Variants in LINGO2 observed in about 807,000 individuals in gnomAD.
LINGO2 encodes leucine-rich repeat and immunoglobulin-like domain-containing nogo receptor-interacting protein 2.
LINGO2 carries 14 observed loss-of-function variants against 30.6 expected under a neutral mutation model. The ratio of observed to expected loss-of-function variants is 0.46; its 90% CI spans 0.30 to 0.72. The LOEUF (loss-of-function observed/expected upper bound fraction) is 0.72. LINGO2 is among the 30% of genes least tolerant of loss of function. The pLI is 0.07. For synonymous variants in LINGO2, 317 were observed against 288.5 expected (o/e 1.10, Z -1.00); for missense variants, 729 against 751.7 (o/e 0.97, Z 0.35).
At chr9:29,102,809 C>T in the LINGO2 span, among the ~76,000 whole-genome samples, 1 of 152,094 alleles carries the variant, frequency 6.6e-6, no homozygotes, top group Non-Finnish European at 1.5e-5. Context: ...TAGAGATACA[C>T]TTAGGCATTT....
At position 28,148,411 on chromosome 9, in the gene LINGO2, C is replaced by T; in HGVS notation, c.-86-136006G>A. ...TTCCTTCATTAGATGAGCAGGTGAT[C>T]CCAGCCAGGCTCCCGAAGATGGAGG... On this transcript the variant is annotated intron_variant, in intron 4 of 5. Coordinates refer to ENST00000379992, the Ensembl canonical transcript of LINGO2. This position sits in a 1 kb window ranked among gnomAD's most constrained non-coding sequence, Gnocchi z 5.1. 7.6e-7 allele frequency: 1 copy of T among 1,308,266 alleles called. No individual in the cohort carries two copies. The allele number at this position is 1,308,266 out of a possible 1,614,324, so 81.0% of individuals were successfully genotyped here.
chr9:28,492,318 A>G (rs923003567), intron 1 of LINGO2, among the ~76,000 whole-genome samples: 4 of 152,216 alleles, frequency 2.6e-5, no homozygotes, highest in Admixed American at 1.3e-4. Context: ...TGACAAACAA[A>G]TAAAGCATTG....
intron 4 of LINGO2, among the ~76,000 whole-genome samples, chr9:28,033,044 A>G (rs1234318297): frequency 6.6e-6 from 1 of 152,210 alleles, no homozygotes; most frequent in Non-Finnish European, 1.5e-5. Flanking sequence ...ACTAGAAAAC[A>G]TGGTGTAGAC....
At chr9:28,571,818 T>C (rs1177555578) in intron 1 of LINGO2, among the ~76,000 whole-genome samples, 1 of 152,084 alleles carries the variant, frequency 6.6e-6, no homozygotes, top group East Asian at 1.9e-4. Context: ...ATTAAGACAA[T>C]GTTCCGAACA....
chr9:28,899,414 C>T, the LINGO2 span, among the ~76,000 whole-genome samples: 4 of 152,202 alleles, frequency 2.6e-5, no homozygotes, highest in South Asian at 2.1e-4. Flanking sequence ...CCCACAGACT[C>T]AGTCTCCAGG....
intron 2 of LINGO2, among the ~76,000 whole-genome samples, chr9:28,455,530 A>C (rs1328803440): frequency 6.6e-6 from 1 of 152,080 alleles, no homozygotes; most frequent in Non-Finnish European, 1.5e-5. Flanking sequence ...ATCAAAACCA[A>C]TGCATGAGTG....
chr9:28,169,811 T>A (rs1218224859), intron 4 of LINGO2, among the ~76,000 whole-genome samples: 2 of 151,854 alleles, frequency 1.3e-5, no homozygotes, highest in African/African-American at 4.8e-5. Flanking sequence ...AGAGAAAGAG[T>A]AGCTTAAACT....
At chr9:28,010,067 A>G (rs919239343) in intron 5 of LINGO2, among the ~76,000 whole-genome samples, 2 of 152,194 alleles carry the variant, frequency 1.3e-5, no homozygotes, top group African/African-American at 4.8e-5. Flanking sequence ...GTACTGATTA[A>G]CATGCTACAA....
At chr9:28,121,925 TTTAAATTC>T (rs2133400841) in intron 4 of LINGO2, among the ~76,000 whole-genome samples, 1 of 152,350 alleles carries the variant, frequency 6.6e-6, no homozygotes, top group South Asian at 2.1e-4. Context: ...TTAATGCTCT[TTTAAATTC>T]CTAGGAATTG....
chr9:28,912,919 A>T, the LINGO2 span, among the ~76,000 whole-genome samples: 14 of 152,114 alleles, frequency 9.2e-5, no homozygotes, highest in Admixed American at 9.2e-4. Flanking sequence ...TGTTGTGCAG[A>T]AGTTATGTGT....
intron 4 of LINGO2, among the ~76,000 whole-genome samples, chr9:28,038,941 C>G (rs576303766): frequency 6.6e-6 from 1 of 152,346 alleles, no homozygotes; most frequent in East Asian, 1.9e-4. Flanking sequence ...TAAATCTCTT[C>G]CAAATAAACC....
the LINGO2 span, among the ~76,000 whole-genome samples, chr9:29,142,971 TA>T: frequency 1.4e-4 from 21 of 152,022 alleles, no homozygotes; most frequent in South Asian, 2.9e-3. Context: ...AAATTAACAT[TA>T]AAAAATCAGT....
the LINGO2 span, among the ~76,000 whole-genome samples, chr9:28,979,956 T>C: frequency 1.3e-5 from 2 of 152,166 alleles, 1 homozygote. Context: ...TGTTTTATGA[T>C]GTATAGCCAA....
At chr9:28,173,080 C>G (rs2133670726) in intron 4 of LINGO2, among the ~76,000 whole-genome samples, 1 of 152,182 alleles carries the variant, frequency 6.6e-6, no homozygotes, top group South Asian at 2.1e-4. Context: ...GCAGTTTTCC[C>G]CTTCAAAATA....
At chr9:28,026,804 T>G (rs1211719042) in intron 4 of LINGO2, among the ~76,000 whole-genome samples, 2 of 152,230 alleles carry the variant, frequency 1.3e-5, no homozygotes, top group Non-Finnish European at 2.9e-5. Flanking sequence ...TCTCTGCTCC[T>G]TGAACTATTT....
chr9:28,865,992 A>G, the LINGO2 span, among the ~76,000 whole-genome samples: 9 of 152,122 alleles, frequency 5.9e-5, no homozygotes, highest in African/African-American at 2.2e-4. Flanking sequence ...CTCCATATGT[A>G]GCACTCTATG....
the LINGO2 span, among the ~76,000 whole-genome samples, chr9:29,141,251 A>G: frequency 6.6e-6 from 1 of 152,002 alleles, no homozygotes; most frequent in Non-Finnish European, 1.5e-5. Flanking sequence ...GACACACCCT[A>G]TATAAATATG....
chr9:29,211,718 G>T, the LINGO2 span, among the ~76,000 whole-genome samples: 1 of 151,940 alleles, frequency 6.6e-6, no homozygotes, highest in Non-Finnish European at 1.5e-5. Context: ...AAAAGAAGAG[G>T]GTGTGGTACT....
At chr9:29,005,513 A>C in the LINGO2 span, among the ~76,000 whole-genome samples, 528 of 152,142 alleles carry the variant, frequency 3.5e-3, 2 homozygotes, top group African/African-American at 0.012. Context: ...AGCATACTTT[A>C]AATTATCTCT....
Sources: allele counts gnomAD v4.1 joint callset (sites outside exome capture counted in the v4.1 genomes callset), GRCh38; gene constraint gnomAD v4.1.1; non-coding constraint Gnocchi (gnomAD v3.1); transcripts MANE v1.5; gene names NCBI Gene and HGNC (gene_info 2026-07-23, HGNC 2026-07-21).